Variants in ETV4 observed in about 807,000 individuals in gnomAD.
ETV4 encodes ETS translocation variant 4.
A neutral mutation model predicts 65.9 loss-of-function variants in ETV4; 42 were observed. The observed-to-expected ratio is 0.64, with a 90% CI of 0.50 to 0.82. The LOEUF is 0.82. ETV4 is among the 40% of genes least tolerant of loss of function. The pLI is 0.00. For missense variants in ETV4, 583 were observed against 630.3 expected (o/e 0.92, Z 0.80); for synonymous variants, 238 against 260.0 (o/e 0.92, Z 0.81).
chr17:43,545,934 CGTGT>C lies in ETV4; in HGVS notation c.-52+247_-52+250del, dbSNP rs531139204. 0.044 allele frequency: 11,468 copies of C among 263,032 alleles called. 363 individuals are homozygous for C. The highest frequency in any genetic ancestry group is 0.11 in the African/African-American group (4,105 of 38,000). 16.3% of individuals were successfully genotyped at this position (263,032 alleles called of 1,614,324 possible). On this transcript the variant is annotated intron_variant, in intron 1 of 12. Coordinates refer to ENST00000319349, the MANE Select transcript of ETV4 (RefSeq NM_001079675.5). ...TTACCCGGGCTCGGTTACATAAGAA[CGTGT>C]GTGTGTGTGTGTGTGTGTGTGTGTG...
At chr17:43,533,004 T>A in intron 7 of ETV4, 65 bp from the exon 8 acceptor site, 1 of 1,522,082 alleles carries the variant, frequency 6.6e-7, no homozygotes, top group Non-Finnish European at 8.8e-7. Context: ...TCGAGCCTGT[T>A]ACTCCTAGGC....
rs764899749 is a variant in ETV4 at position 43,544,983 on chromosome 17, A to AAAAG, written c.193_194insCTTT (p.Leu65ProfsTer4). ...GTCACAAAACTACTCACCTTCAGCGAGCCACGTCTCCTGGAAGTGACTTAG... is the reference window on the plus strand; with the variant it reads ...GTCACAAAACTACTCACCTTCAGCGAAAAGGCCACGTCTCCTGGAAGTGACTTAG... On this transcript the variant is annotated frameshift_variant, in exon 4 of 13. Transcript: ENST00000319349. LOFTEE classifies it high-confidence loss of function. 7 of 1,614,050 alleles carry AAAAG rather than the reference A, an allele frequency of 4.3e-6. No individual in the cohort carries two copies. The South Asian group carries it at 7.7e-5, about 18-fold the overall frequency.
chr17:43,528,377 TG>T lies in ETV4; in HGVS notation c.*141del. The T allele has an allele frequency of 1.7e-6, 1 of 596,624 alleles. No homozygotes were observed. Among genetic ancestry groups the T allele is most frequent in the South Asian group, 2.4e-5 (1 of 41,620 alleles). The allele number at this position is 596,624 out of a possible 1,614,324, so 37.0% of individuals were successfully genotyped here. A position where few individuals can be genotyped will look rare whatever the true frequency, so the allele number is the denominator to read the frequency against. On this transcript the variant is annotated 3_prime_UTR_variant, in exon 13 of 13. Coordinates refer to ENST00000319349, the MANE Select transcript of ETV4 (RefSeq NM_001079675.5). ...TGACTCCGGTGAGCAGCTCAGAGTC[TG>T]GGCTAGGGCAACTGGTAGGACAGTG...
At position 43,528,355 on chromosome 17, in the gene ETV4, C is replaced by A; in HGVS notation, c.*164G>T. On this transcript the variant is annotated 3_prime_UTR_variant, in exon 13 of 13. Coordinates refer to ENST00000319349, the MANE Select transcript of ETV4 (RefSeq NM_001079675.5). The stretch of plus-strand genomic sequence containing the variant: ...TTTCTCCACTTTTCCTTCCCAATGA[C>A]TCCGGTGAGCAGCTCAGAGTCTGGG... The A allele has an allele frequency of 1.9e-6, 1 of 534,292 alleles. No individual in the cohort carries two copies. 33.1% of individuals were successfully genotyped at this position (534,292 alleles called of 1,614,324 possible).
intron 10 of ETV4, 69 bp from the exon 11 acceptor site, chr17:43,529,745 C>A (rs924948591): frequency 1.3e-6 from 2 of 1,590,042 alleles, no homozygotes; most frequent in Non-Finnish European, 1.7e-6. Flanking sequence ...GCCTCCCACC[C>A]GAGGGATTTC....
chr17:43,531,015 T>G (rs1970903135), intron 8 of ETV4, among the ~76,000 whole-genome samples: 1 of 152,146 alleles, frequency 6.6e-6, no homozygotes, highest in African/African-American at 2.4e-5. Flanking sequence ...CTACAGCCTT[T>G]GAAGGTCAGC....
chr17:43,529,251 GT>G lies in ETV4; in HGVS notation c.1129-16del, dbSNP rs1443437054. 6.2e-7 allele frequency: 1 copy of G among 1,613,408 alleles called. No homozygotes were observed. The highest frequency in any genetic ancestry group is 1.7e-5 in the Admixed American group (1 of 60,002). On this transcript the variant is annotated splice_polypyrimidine_tract_variant and intron_variant, in intron 11 of 12. Coordinates refer to ENST00000319349, the MANE Select transcript of ETV4 (RefSeq NM_001079675.5). ...AGCCTGGCGACCTGGGAACAAAACA[GT>G]TTTGGGGTAGAGATGCTACCTTGGC...
At chr17:43,540,211 G>C (rs766592660) in intron 4 of ETV4, among the ~76,000 whole-genome samples, 12 of 152,130 alleles carry the variant, frequency 7.9e-5, no homozygotes, top group Non-Finnish European at 1.5e-4. Flanking sequence ...CCAGCACTTT[G>C]GGAGGCTGAG....
chr17:43,537,351 G>C (rs180775236), intron 4 of ETV4, among the ~76,000 whole-genome samples: 3 of 149,994 alleles, frequency 2.0e-5, no homozygotes, highest in Non-Finnish European at 3.0e-5. Flanking sequence ...GGCAACAAGA[G>C]TGAAACTCCA....
At chr17:43,545,964 T>G in intron 1 of ETV4, 2 of 340,664 alleles carry the variant, frequency 5.9e-6, no homozygotes, top group Non-Finnish European at 1.1e-5. Context: ...TGTGTGTGTG[T>G]GTGTGTGTGT....
chr17:43,532,160 G>C (rs1161962214), intron 8 of ETV4, among the ~76,000 whole-genome samples: 2 of 152,180 alleles, frequency 1.3e-5, no homozygotes, highest in African/African-American at 4.8e-5. Context: ...CCATGCCCCG[G>C]GGGCCCCCCT....
chr17:43,544,989 G>A lies in ETV4; in HGVS notation c.188C>T (p.Thr63Met). ...AAACTACTCACCTTCAGCGAGCCAC[G>A]TCTCCTGGAAGTGACTTAGATCCTG... ...LFQDLSHFQE[T>M]WLAEAQVPDS... Residue 63 changes from threonine (T) to methionine (M), a missense_variant, in exon 4 of 13, where the codon ACG (threonine) becomes ATG (methionine). Physicochemically the swap from Thr to Met is moderately conservative, Grantham distance 81. Coordinates refer to ENST00000319349, the MANE Select transcript of ETV4 (RefSeq NM_001079675.5). 2 of 1,614,020 alleles carry A rather than the reference G, an allele frequency of 1.2e-6. No individual in the cohort carries two copies. Among genetic ancestry groups the A allele is most frequent in the East Asian group, 4.5e-5 (2 of 44,872 alleles).
chr17:43,529,503 C>T lies in ETV4; in HGVS notation c.1128+1G>A. 1 of 1,604,628 alleles carries T rather than the reference C, an allele frequency of 6.2e-7. No individual in the cohort carries two copies. Among genetic ancestry groups the T allele is most frequent in the Non-Finnish European group, 8.5e-7 (1 of 1,174,032 alleles). On this transcript the variant is annotated splice_donor_variant, in intron 11 of 12. Transcript: ENST00000319349. LOFTEE classifies it high-confidence loss of function. ...GGGCTGGGAACATCCGAGAGGCCCACCTCCTCAGGCTCAATGAGCTTGAAC... is the reference window on the plus strand; with the variant it reads ...GGGCTGGGAACATCCGAGAGGCCCATCTCCTCAGGCTCAATGAGCTTGAAC...
chr17:43,528,637 C>A lies in ETV4; in HGVS notation c.1337G>T (p.Arg446Leu). The change falls in exon 13 of 13, where the codon CGG (arginine) becomes CTG (leucine). Residue 446 changes from arginine (R) to leucine (L), a missense_variant. By Grantham distance (102) the Arg-to-Leu change is moderately radical. Coordinates refer to ENST00000319349, the MANE Select transcript of ETV4 (RefSeq NM_001079675.5). ...GACTGTGTCCTCCTCACTGACAGGCCGGTCAAACTCAGCCTTGAGAGCTGG... is the reference window on the plus strand; with the variant it reads ...GACTGTGTCCTCCTCACTGACAGGCAGGTCAAACTCAGCCTTGAGAGCTGG... ...QRPALKAEFD[R>L]PVSEEDTVPL... 1 of 1,614,128 alleles carries A rather than the reference C, an allele frequency of 6.2e-7. No homozygotes were observed. Among genetic ancestry groups the A allele is most frequent in the Non-Finnish European group, 8.5e-7 (1 of 1,180,022 alleles).
At chr17:43,532,197 CT>C (rs1043862479) in intron 8 of ETV4, among the ~76,000 whole-genome samples, 1 of 152,124 alleles carries the variant, frequency 6.6e-6, no homozygotes, top group Admixed American at 6.6e-5. Flanking sequence ...TATAGGTTTG[CT>C]CATTGAAAAG....
At position 43,533,900 on chromosome 17, in the gene ETV4, C is replaced by A. The variant is rs773648385; in HGVS notation, c.342G>T (p.Pro114=). Residue 114 remains proline, a synonymous_variant, in exon 6 of 13, where the codon CCG becomes CCT. Transcript: ENST00000319349. ...TDPALSCSRK[P]PLPYHHGEQC... ...GCTCGCCATGGTGGTAGGGGAGTGG[C>A]GGCTTCCTGCTGCAGGACAGGGCCG... 6.3e-7 allele frequency: 1 copy of A among 1,596,154 alleles called. No homozygotes were observed. Among genetic ancestry groups the A allele is most frequent in the Admixed American group, 1.8e-5 (1 of 56,172 alleles).
chr17:43,530,479 G>A, intron 8 of ETV4: 1 of 1,294,124 alleles, frequency 7.7e-7, no homozygotes, highest in Non-Finnish European at 9.9e-7. Flanking sequence ...TGTTTCCTGC[G>A]AGTTCAGGGG....
intron 4 of ETV4, among the ~76,000 whole-genome samples, chr17:43,539,591 C>A (rs910924613): frequency 2.6e-5 from 4 of 152,214 alleles, no homozygotes; most frequent in South Asian, 2.1e-4. Context: ...TTAGAGTAGA[C>A]GCTCAGTGCT....
chr17:43,535,833 C>T (rs957838524), intron 5 of ETV4, among the ~76,000 whole-genome samples: 3 of 152,136 alleles, frequency 2.0e-5, no homozygotes, highest in East Asian at 1.9e-4. Context: ...GAACTGGGGG[C>T]GGGCGCACTG....
Sources: gnomAD v4.1 joint callset for allele counts (sites outside exome capture counted in the v4.1 genomes callset) on GRCh38, gnomAD v4.1.1 for gene constraint, MANE v1.5 for transcripts, NCBI Gene and HGNC (gene_info 2026-07-23, HGNC 2026-07-21) for gene names.